Variants in ROR1 observed in about 807,000 individuals in gnomAD.
ROR1 encodes inactive tyrosine-protein kinase transmembrane receptor ROR1.
A neutral mutation model predicts 78.8 loss-of-function variants in ROR1; 19 were observed. The ratio of observed to expected loss-of-function variants is 0.24; its 90% CI spans 0.17 to 0.35. ROR1 has a LOEUF of 0.35. Ranked by LOEUF, ROR1 falls within the 10% of genes least tolerant of loss-of-function variation. The pLI is 1.00. For missense variants in ROR1, 917 were observed against 1,177.8 expected (o/e 0.78, Z 3.24); for synonymous variants, 386 against 433.6 (o/e 0.89, Z 1.36).
Position 64,094,063 on chromosome 1 carries a change from A to G in ROR1, c.483-43306A>G, listed in dbSNP as rs538724787. On this transcript the variant is annotated intron_variant, in intron 4 of 8. Coordinates refer to ENST00000371079, the MANE Select transcript of ROR1 (RefSeq NM_005012.4). ...TTCTACTATACCACAGGATTAAACAATGCCAACTATTGCTTGTCATAAATG... is the reference window on the plus strand; with the variant it reads ...TTCTACTATACCACAGGATTAAACAGTGCCAACTATTGCTTGTCATAAATG... Among the ~76,000 whole-genome samples the G allele has an allele frequency of 6.6e-5, 10 of 152,328 alleles. No homozygotes were observed. In the South Asian group the frequency reaches 1.7e-3, roughly 25 times the overall value.
At chr1:63,895,201 C>T (rs895174714) in intron 1 of ROR1, among the ~76,000 whole-genome samples, 1 of 152,146 alleles carries the variant, frequency 6.6e-6, no homozygotes, top group Non-Finnish European at 1.5e-5. Flanking sequence ...ATAAAGGTCA[C>T]TGGACAATTT....
intron 1 of ROR1, among the ~76,000 whole-genome samples, chr1:63,850,190 T>A (rs1645105874): frequency 6.6e-6 from 1 of 152,270 alleles, no homozygotes; most frequent in African/African-American, 2.4e-5. Flanking sequence ...GGTATTAACC[T>A]TGTTAATTTA....
chr1:64,076,137 T>C (rs925475077), intron 4 of ROR1, among the ~76,000 whole-genome samples: 1 of 152,202 alleles, frequency 6.6e-6, no homozygotes, highest in East Asian at 1.9e-4. Context: ...TCTTATTTCT[T>C]GGAGTAGCAA....
intron 4 of ROR1, among the ~76,000 whole-genome samples, chr1:64,069,091 CT>C (rs1023510871): frequency 1.1e-4 from 16 of 151,486 alleles, no homozygotes; most frequent in Non-Finnish European, 2.1e-4. Flanking sequence ...ATTGTGTAGA[CT>C]TTTTTTTGTA....
Position 63,977,711 on chromosome 1 carries a change from G to C in ROR1, c.92-31594G>C, listed in dbSNP as rs181540444. Among the ~76,000 whole-genome samples the C allele has an allele frequency of 7.9e-4, 120 of 152,260 alleles. 1 individual carries two copies. Among genetic ancestry groups the C allele is most frequent in the South Asian group, 2.3e-3 (11 of 4,822 alleles). On this transcript the variant is annotated intron_variant, in intron 1 of 8. Coordinates refer to ENST00000371079, the MANE Select transcript of ROR1 (RefSeq NM_005012.4). Reference sequence around the variant, plus strand: ...TTGCTTGTTCCTGTTTCACTTTTCAGAGGGAGAAAAGTGGCCAACTTTAAG... The same window carrying C: ...TTGCTTGTTCCTGTTTCACTTTTCACAGGGAGAAAAGTGGCCAACTTTAAG...
chr1:64,088,473 A>G (rs886814775), intron 4 of ROR1, among the ~76,000 whole-genome samples: 3 of 151,884 alleles, frequency 2.0e-5, no homozygotes, highest in Non-Finnish European at 2.9e-5. Context: ...TAGGTGTGCA[A>G]TTGCAATATA....
At chr1:64,063,607 CCTCT>C (rs764769424) in intron 4 of ROR1, among the ~76,000 whole-genome samples, 4 of 150,422 alleles carry the variant, frequency 2.7e-5, no homozygotes, top group Non-Finnish European at 2.9e-5. Context: ...CTGTTGCTGT[CCTCT>C]CTATGTCTCT....
At chr1:64,141,927 A>G (rs1649329111) in intron 6 of ROR1, among the ~76,000 whole-genome samples, 1 of 152,088 alleles carries the variant, frequency 6.6e-6, no homozygotes, top group African/African-American at 2.4e-5. Context: ...GCACAGAGAT[A>G]GCCCCCACTT....
chr1:63,931,771 ACT>A lies in ROR1; in HGVS notation c.92-77531_92-77530del, dbSNP rs544378789. On this transcript the variant is annotated intron_variant, in intron 1 of 8. Coordinates refer to ENST00000371079, the MANE Select transcript of ROR1 (RefSeq NM_005012.4). Reference sequence around the variant, plus strand: ...GTATCACAGTGCTTGTGTTTGAGTAACTCTTATTTTATTTAATAATGGCCTCA... The same window carrying A: ...GTATCACAGTGCTTGTGTTTGAGTAACTTATTTTATTTAATAATGGCCTCA... Among the ~76,000 whole-genome samples, 375 of 151,928 alleles carry A rather than the reference ACT, an allele frequency of 2.5e-3. 1 individual carries two copies. The highest frequency in any genetic ancestry group is 8.2e-3 in the African/African-American group (341 of 41,400).
chr1:63,900,159 G>A (rs1363143972), intron 1 of ROR1, among the ~76,000 whole-genome samples: 1 of 152,120 alleles, frequency 6.6e-6, no homozygotes, highest in African/African-American at 2.4e-5. Context: ...TAACATTATA[G>A]AAAGGAAAAG....
chr1:63,835,558 G>A (rs1645014765), intron 1 of ROR1, among the ~76,000 whole-genome samples: 1 of 152,150 alleles, frequency 6.6e-6, no homozygotes. Flanking sequence ...CAAAATTTAT[G>A]TGCCTTTGGG....
chr1:64,120,643 A>C (rs1264364486), intron 4 of ROR1, among the ~76,000 whole-genome samples: 1 of 152,264 alleles, frequency 6.6e-6, no homozygotes, highest in South Asian at 2.1e-4. Flanking sequence ...TGGACCATGT[A>C]GGTCTAATGG....
intron 7 of ROR1, among the ~76,000 whole-genome samples, chr1:64,156,706 A>G (rs1175528066): frequency 7.4e-4 from 3 of 4,042 alleles, no homozygotes; most frequent in Non-Finnish European, 1.2e-3. Flanking sequence ...ACTCCGTCTC[A>G]AAAAAAAAAA....
At chr1:64,101,477 A>T (rs1647540058) in intron 4 of ROR1, among the ~76,000 whole-genome samples, 1 of 152,156 alleles carries the variant, frequency 6.6e-6, no homozygotes, top group African/African-American at 2.4e-5. Flanking sequence ...TAGAGACATA[A>T]TGGTACAAGC....
intron 4 of ROR1, chr1:64,094,971 A>T (rs755528417): frequency 6.6e-6 from 1 of 152,200 alleles, no homozygotes; most frequent in Non-Finnish European, 1.5e-5. Flanking sequence ...TGGCCTGAGG[A>T]TTCTTCAGGT....
intron 1 of ROR1, among the ~76,000 whole-genome samples, chr1:63,900,257 C>A (rs544369368): frequency 1.2e-3 from 187 of 152,088 alleles, no homozygotes; most frequent in African/African-American, 4.1e-3. Flanking sequence ...AGTTCGAGAT[C>A]ACCCTGGCCA....
intron 1 of ROR1, among the ~76,000 whole-genome samples, chr1:63,864,370 G>A (rs1464368663): frequency 6.6e-6 from 1 of 152,124 alleles, no homozygotes; most frequent in Non-Finnish European, 1.5e-5. Flanking sequence ...CTTACTTGTG[G>A]CTCTAAACTT....
chr1:64,134,166 A>G (rs1380126059), intron 4 of ROR1, among the ~76,000 whole-genome samples: 4 of 152,120 alleles, frequency 2.6e-5, no homozygotes, highest in Non-Finnish European at 5.9e-5. Context: ...TCTGAGTCTC[A>G]CTTTTCTCAT....
At chr1:64,022,536 G>T (rs1430369158) in intron 2 of ROR1, among the ~76,000 whole-genome samples, 1 of 152,170 alleles carries the variant, frequency 6.6e-6, no homozygotes, top group Non-Finnish European at 1.5e-5. Flanking sequence ...AACGCTAACT[G>T]TTTTTACTTA....
Sources: allele counts gnomAD v4.1 joint callset (sites outside exome capture counted in the v4.1 genomes callset), GRCh38; gene constraint gnomAD v4.1.1; transcripts MANE v1.5; gene names NCBI Gene and HGNC (gene_info 2026-07-23, HGNC 2026-07-21).